Variants in RNF17 observed in about 807,000 individuals in gnomAD.
The protein encoded by RNF17 is spermatogenesis associated 23.
A neutral mutation model predicts 200.5 loss-of-function variants in RNF17; 31 were observed. The observed-to-expected ratio is 0.15, with a 90% confidence interval of 0.12 to 0.21. The LOEUF (loss-of-function observed/expected upper bound fraction) is 0.21, where lower values mean the gene tolerates loss of function less well. Among genes scored for constraint, RNF17 ranks in the 10% least tolerant of loss-of-function variants. The pLI is 1.00. For missense variants in RNF17, 1,628 were observed against 1,905.1 expected (o/e 0.85, Z 2.71); for synonymous variants, 606 against 637.8 (o/e 0.95, Z 0.75).
chr13:24,882,807 C>CAA (rs1953898779), downstream of RNF17: 1 of 251,742 alleles, frequency 4.0e-6, no homozygotes, highest in Non-Finnish European at 7.8e-6. Flanking sequence ...ACCTTCTGTA[C>CAA]AAGTCCAGTG....
Position 24,796,301 on chromosome 13 carries a change from G to GA in RNF17, c.1399+9dup. 6.4e-7 allele frequency: 1 copy of GA among 1,571,506 alleles called. No individual in the cohort carries two copies. Among genetic ancestry groups the GA allele is most frequent in the Non-Finnish European group, 8.6e-7 (1 of 1,158,224 alleles). ...TTCAGACATTTTGGAACTAGGTAAT[G>GA]AAATATTAGTCCAAGTTAAAATATC... is the stretch of plus-strand genomic sequence containing the variant. On this transcript the variant is annotated splice_region_variant and intron_variant, in intron 11 of 35. Transcript: ENST00000255324.
the RNF17 span, among the ~76,000 whole-genome samples, chr13:24,758,275 T>TC: frequency 6.6e-6 from 1 of 152,180 alleles, no homozygotes; most frequent in African/African-American, 2.4e-5. Context: ...CTTTATTGAT[T>TC]CCCCTGGTCT....
At chr13:24,747,877 C>T in the RNF17 span, among the ~76,000 whole-genome samples, 1 of 152,258 alleles carries the variant, frequency 6.6e-6, no homozygotes, top group African/African-American at 2.4e-5. Flanking sequence ...TTGGCTAAAG[C>T]GGTTCCTGGT....
intron 6 of RNF17, among the ~76,000 whole-genome samples, chr13:24,785,331 G>T (rs1357676340): frequency 1.3e-5 from 2 of 151,994 alleles, no homozygotes; most frequent in Non-Finnish European, 2.9e-5. Context: ...TGACCCATTG[G>T]GATTTAGGAG....
rs376518327 is a variant in RNF17, at chr13:24,879,309, C to A, written c.*10+14C>A. The A allele has an allele frequency of 6.8e-6, 10 of 1,471,954 alleles. No individual in the cohort carries two copies. Among genetic ancestry groups the A allele is most frequent in the Non-Finnish European group, 8.6e-6 (9 of 1,051,092 alleles). 91.2% of individuals were successfully genotyped at this position (1,471,954 alleles called of 1,614,324 possible). A position where few individuals can be genotyped will look rare whatever the true frequency, so the allele number is the denominator to read the frequency against. Reference sequence around the variant, plus strand: ...AAGTGCCTAAGTGTAAGTTCTCATTCTCTTCATAGCATAAGGCATGGGACT... The same window carrying A: ...AAGTGCCTAAGTGTAAGTTCTCATTATCTTCATAGCATAAGGCATGGGACT... On this transcript the variant is annotated intron_variant, in intron 35 of 35. Transcript: ENST00000255324.
chr13:24,877,191 G>A lies in RNF17; in HGVS notation c.4773+5G>A. 1.2e-6 allele frequency: 2 copies of A among 1,601,808 alleles called. No individual in the cohort carries two copies. The highest frequency in any genetic ancestry group is 1.7e-6 in the Non-Finnish European group (2 of 1,176,592). ...CAACTCTATGCTGTGTCCATGGTAA[G>A]TGTCTCAAGTAGCCAAAATTATTGT... is the stretch of plus-strand genomic sequence containing the variant. On this transcript the variant is annotated splice_donor_5th_base_variant and intron_variant, in intron 34 of 35. Coordinates refer to ENST00000255324, the MANE Select transcript of RNF17 (RefSeq NM_031277.3).
intron 25 of RNF17, among the ~76,000 whole-genome samples, chr13:24,856,434 A>T (rs1232585290): frequency 1.3e-5 from 2 of 151,916 alleles, no homozygotes; most frequent in African/African-American, 4.8e-5. Flanking sequence ...AAAAAAAAAA[A>T]AAAATCCTTT....
chr13:24,779,227 A>G (rs906866679), intron 4 of RNF17, among the ~76,000 whole-genome samples: 6 of 152,112 alleles, frequency 3.9e-5, no homozygotes, highest in Non-Finnish European at 7.4e-5. Context: ...AAAATCATTA[A>G]TGGGCTGGGG....
At chr13:24,757,041 A>T in the RNF17 span, among the ~76,000 whole-genome samples, 2 of 152,180 alleles carry the variant, frequency 1.3e-5, no homozygotes, top group African/African-American at 4.8e-5. Context: ...TGAATTAGCC[A>T]CCAAGACAGT....
intron 14 of RNF17, among the ~76,000 whole-genome samples, chr13:24,803,580 A>C (rs959391670): frequency 6.6e-6 from 1 of 152,178 alleles, no homozygotes; most frequent in Non-Finnish European, 1.5e-5. Context: ...CACAGTGCCT[A>C]GGCTGTCCAT....
chr13:24,832,559 G>A (rs193205134), intron 18 of RNF17, among the ~76,000 whole-genome samples: 5 of 152,220 alleles, frequency 3.3e-5, no homozygotes, highest in Middle Eastern at 3.4e-3. Context: ...TTTTTATCTC[G>A]TTTATAGTGA....
In RNF17 at chr13:24,799,600, A is replaced by G. The variant is rs774211148; in HGVS notation, c.1589+16A>G. On this transcript the variant is annotated intron_variant, in intron 12 of 35. Transcript: ENST00000255324. Reference sequence around the variant, plus strand: ...TTGTCACTGGGTATGATATTTTATAATATGTATCCTTGGCCTGCTTAGAAA... The same window carrying G: ...TTGTCACTGGGTATGATATTTTATAGTATGTATCCTTGGCCTGCTTAGAAA... 128 of 1,522,278 alleles carry G rather than the reference A, an allele frequency of 8.4e-5. No homozygotes were observed. Among genetic ancestry groups the G allele is most frequent in the Non-Finnish European group, 1.1e-4 (126 of 1,105,658 alleles). 94.3% of individuals were successfully genotyped at this position (1,522,278 alleles called of 1,614,324 possible).
chr13:24,806,805 C>T, intron 15 of RNF17, among the ~76,000 whole-genome samples: 1 of 125,162 alleles, frequency 8.0e-6, no homozygotes, highest in South Asian at 3.2e-4. Context: ...CCCCTCCCCC[C>T]ACCCCAAAAC....
intron 31 of RNF17, among the ~76,000 whole-genome samples, chr13:24,869,084 T>A (rs1593482772): frequency 1.3e-5 from 2 of 151,168 alleles, no homozygotes; most frequent in South Asian, 2.1e-4. Flanking sequence ...TTCCACTTAC[T>A]ATGTTTGTCT....
intron 2 of RNF17, among the ~76,000 whole-genome samples, chr13:24,772,285 T>C (rs1880851446): frequency 6.6e-6 from 1 of 152,194 alleles, no homozygotes. Flanking sequence ...GTGGAATAAA[T>C]TTATGCTGAA....
At chr13:24,790,471 A>G (rs183031496) in intron 9 of RNF17, among the ~76,000 whole-genome samples, 6 of 152,298 alleles carry the variant, frequency 3.9e-5, no homozygotes, top group Admixed American at 3.9e-4. Context: ...TAAATTAATT[A>G]AAACTAAATA....
intron 18 of RNF17, among the ~76,000 whole-genome samples, chr13:24,834,700 A>G (rs758039495): frequency 7.9e-5 from 12 of 152,204 alleles, no homozygotes; most frequent in Non-Finnish European, 1.5e-4. Flanking sequence ...TGGGCCCCCA[A>G]GCAGCCCATT....
At chr13:24,881,501 T>A (rs1279216439), downstream of RNF17, among the ~76,000 whole-genome samples, 1 of 152,004 alleles carries the variant, frequency 6.6e-6, no homozygotes, top group Non-Finnish European at 1.5e-5. Flanking sequence ...TTACCTCTCC[T>A]GAGATATCTC....
chr13:24,833,724 CA>C (rs1889672138), intron 18 of RNF17, among the ~76,000 whole-genome samples: 1 of 152,126 alleles, frequency 6.6e-6, no homozygotes, highest in African/African-American at 2.4e-5. Context: ...CTTGCCCAAC[CA>C]AAACTGTCTT....
Sources: gnomAD v4.1 joint callset for allele counts (sites outside exome capture counted in the v4.1 genomes callset) on GRCh38, gnomAD v4.1.1 for gene constraint, MANE v1.5 for transcripts, NCBI Gene and HGNC (gene_info 2026-07-23, HGNC 2026-07-21) for gene names.